TTLL10: variants seen among roughly 807,000 people sequenced by gnomAD.
TTLL10 encodes the protein inactive polyglycylase TTLL10.
In TTLL10, 61 loss-of-function variants were observed where a neutral mutation model predicts 69.0. The ratio of observed to expected loss-of-function variants is 0.88; its 90% CI spans 0.72 to 1.09. The LOEUF (loss-of-function observed/expected upper bound fraction) is 1.09. Ranked by LOEUF, TTLL10 falls within the 50% of genes least tolerant of loss-of-function variation. TTLL10 has a pLI of 0.00. For synonymous variants in TTLL10, 408 were observed against 393.3 expected (o/e 1.04, Z -0.44); for missense variants, 962 against 945.9 (o/e 1.02, Z -0.22).
intron 3 of TTLL10, chr1:1,175,289 C>T (rs1177577227): frequency 4.9e-6 from 1 of 203,438 alleles, no homozygotes; most frequent in Non-Finnish European, 8.8e-6. Flanking sequence ...GCTTCTTCTG[C>T]AGCAGAAGAG....
At chr1:1,195,933 G>A (rs1269360674) in intron 13 of TTLL10, among the ~76,000 whole-genome samples, 12 of 151,512 alleles carry the variant, frequency 7.9e-5, no homozygotes, top group Non-Finnish European at 1.6e-4. Flanking sequence ...TGAGCCACGC[G>A]CCCGACCAAC....
intron 13 of TTLL10, among the ~76,000 whole-genome samples, chr1:1,193,328 AAAT>A (rs1252883694): frequency 6.6e-6 from 1 of 152,140 alleles, no homozygotes; most frequent in Non-Finnish European, 1.5e-5. Flanking sequence ...CCGTCTCAAA[AAAT>A]AATAATAATA....
At position 1,185,584 on chromosome 1, in the gene TTLL10, C is replaced by A; in HGVS notation, c.1401+475C>A. On this transcript the variant is annotated intron_variant, in intron 13 of 15. Coordinates refer to ENST00000379289, the MANE Select transcript of TTLL10 (RefSeq NM_001130045.2). This position sits in a 1 kb window ranked among gnomAD's most constrained non-coding sequence, Gnocchi z 6.1. ...TGCAGGGTTCCTTTCTGTGGGGGTA[C>A]CTGTGGGGTACTTCAAACAGCCCTA... The A allele has an allele frequency of 1.0e-5, 10 of 990,210 alleles. No individual in the cohort carries two copies. The highest frequency in any genetic ancestry group is 1.2e-5 in the Non-Finnish European group (10 of 833,402). 61.3% of individuals were successfully genotyped at this position (990,210 alleles called of 1,614,324 possible). A position where few individuals can be genotyped will look rare whatever the true frequency, so the allele number is the denominator to read the frequency against.
chr1:1,178,562 A>G (rs1443512015), intron 3 of TTLL10, among the ~76,000 whole-genome samples: 2 of 134,850 alleles, frequency 1.5e-5, no homozygotes, highest in Non-Finnish European at 3.3e-5. Flanking sequence ...GCTCCGTCTC[A>G]AAAAAAAAAA....
At chr1:1,177,052 G>A (rs1646891303) in intron 3 of TTLL10, among the ~76,000 whole-genome samples, 1 of 146,716 alleles carries the variant, frequency 6.8e-6, no homozygotes, top group South Asian at 2.1e-4. Context: ...GTCTGTGTGT[G>A]TGGGTGTCTG....
At chr1:1,184,766 C>T (rs1431772332) in intron 12 of TTLL10, among the ~76,000 whole-genome samples, 1 of 93,026 alleles carries the variant, frequency 1.1e-5, no homozygotes, top group African/African-American at 3.6e-5. Flanking sequence ...ATGCAGAAGC[C>T]TTCTAGGTTA....
chr1:1,197,821 G>A lies in TTLL10; in HGVS notation c.1996G>A (p.Glu666Lys), dbSNP rs1329838904. 1.7e-5 allele frequency: 26 copies of A among 1,507,968 alleles called. No homozygotes were observed. Among genetic ancestry groups the A allele is most frequent in the African/African-American group, 7.2e-5 (5 of 69,922 alleles). The allele number at this position is 1,507,968 out of a possible 1,614,324, so 93.4% of individuals were successfully genotyped here. A position where few individuals can be genotyped will look rare whatever the true frequency, so the allele number is the denominator to read the frequency against. Residue 666 changes from glutamate to lysine, a missense_variant, in exon 16 of 16, where the codon GAG becomes AAG. By Grantham distance (56) the Glu-to-Lys change is moderately conservative. Coordinates refer to ENST00000379289, the MANE Select transcript of TTLL10 (RefSeq NM_001130045.2). ...CCCGGGGACAGCCAAGGAGGAACGC[G>A]AGGAGCCTGAGAACGCGAGGCCCTA... The part of the protein sequence containing the change: ...PSPGTAKEER[E>K]EPENARP
At chr1:1,188,604 T>C (rs1219871584) in intron 13 of TTLL10, among the ~76,000 whole-genome samples, 1 of 152,088 alleles carries the variant, frequency 6.6e-6, no homozygotes, top group East Asian at 1.9e-4. Flanking sequence ...CAGGTTTCAC[T>C]GTGTTGGCCA....
chr1:1,190,223 T>C (rs1190263539), intron 13 of TTLL10, among the ~76,000 whole-genome samples: 1 of 151,858 alleles, frequency 6.6e-6, no homozygotes, highest in Non-Finnish European at 1.5e-5. Flanking sequence ...TCTCCCCTGA[T>C]TTTAGTAATT....
chr1:1,185,369 T>G lies in TTLL10; in HGVS notation c.1401+260T>G. On this transcript the variant is annotated intron_variant, in intron 13 of 15. Coordinates refer to ENST00000379289, the MANE Select transcript of TTLL10 (RefSeq NM_001130045.2). The surrounding 1 kb of genome is among the most constrained non-coding windows in gnomAD (Gnocchi z 6.1). ...ACGAGTCCCGCGGGCAGCCTCGCCG[T>G]AGGGTCAGGGGACAGCTCGGCTTCA... The G allele has an allele frequency of 7.4e-7, 1 of 1,347,902 alleles. No individual in the cohort carries two copies. Among genetic ancestry groups the G allele is most frequent in the Non-Finnish European group, 9.5e-7 (1 of 1,052,036 alleles). The allele number at this position is 1,347,902 out of a possible 1,614,324, so 83.5% of individuals were successfully genotyped here. A position where few individuals can be genotyped will look rare whatever the true frequency, so the allele number is the denominator to read the frequency against.
intron 13 of TTLL10, among the ~76,000 whole-genome samples, chr1:1,195,672 C>T (rs12066103): frequency 0.099 from 14,986 of 151,084 alleles, 845 homozygotes; most frequent in East Asian, 0.15. Flanking sequence ...GACAGTCTCA[C>T]TGTGTCACCC....
rs765878001 is a variant in TTLL10, at chr1:1,182,865, G to T, written c.917-11G>T. 1 of 1,557,652 alleles carries T rather than the reference G, an allele frequency of 6.4e-7. No individual in the cohort carries two copies. Among genetic ancestry groups the T allele is most frequent in the Non-Finnish European group, 8.7e-7 (1 of 1,149,078 alleles). ...GGGCGAGGCCAGGGGCTCAGGCCGC[G>T]CTCTCTGCAGAAACCCAGATATGGA... On this transcript the variant is annotated splice_polypyrimidine_tract_variant and intron_variant, in intron 10 of 15. Coordinates refer to ENST00000379289, the MANE Select transcript of TTLL10 (RefSeq NM_001130045.2).
intron 13 of TTLL10, among the ~76,000 whole-genome samples, chr1:1,193,533 G>T (rs888874946): frequency 6.6e-6 from 1 of 150,562 alleles, no homozygotes; most frequent in Non-Finnish European, 1.5e-5. Flanking sequence ...GCGTGATCTC[G>T]GCTCACTGCA....
In TTLL10 at chr1:1,180,477, T is replaced by G; in HGVS notation, c.507-6T>G. 1 of 482,718 alleles carries G rather than the reference T, an allele frequency of 2.1e-6. No homozygotes were observed. The highest frequency in any genetic ancestry group is 2.9e-6 in the Non-Finnish European group (1 of 350,192). The allele number at this position is 482,718 out of a possible 1,614,324, so 29.9% of individuals were successfully genotyped here. A position where few individuals can be genotyped will look rare whatever the true frequency, so the allele number is the denominator to read the frequency against. On this transcript the variant is annotated splice_region_variant and splice_polypyrimidine_tract_variant and intron_variant, in intron 6 of 15. Transcript: ENST00000379289. ...CCCAGGTCACCCCCGCCCCCACCCC[T>G]CGCAGCATCAGCTCCTACTGCAAAA...
At chr1:1,180,643 C>T (rs1264867606) in intron 7 of TTLL10, 42 bp downstream of exon 7, 2 of 1,553,268 alleles carry the variant, frequency 1.3e-6, no homozygotes, top group Non-Finnish European at 1.7e-6. Flanking sequence ...CTGCAGGGGC[C>T]TCCTGGGCCG....
chr1:1,176,439 C>T (rs1403411120), intron 3 of TTLL10: 3 of 454,452 alleles, frequency 6.6e-6, no homozygotes, highest in Non-Finnish European at 1.3e-5. Flanking sequence ...CTCACAGCTG[C>T]TGCATCTTTT....
rs376545249 is a variant in TTLL10 at position 1,180,038 on chromosome 1, G to A, written c.204G>A (p.Pro68=). The change falls in exon 6 of 16, where the codon CCG becomes CCA. Residue 68 remains proline (P), a synonymous_variant. Coordinates refer to ENST00000379289, the MANE Select transcript of TTLL10 (RefSeq NM_001130045.2). ...CPAPGHCPVG[P]AHERPMGSSQ... ...GGGACCCCACCCCGTTCACAGGCCC[G>A]GCCCACGAGAGGCCAATGGGGAGCA... 1.9e-5 allele frequency: 30 copies of A among 1,538,610 alleles called. No homozygotes were observed. The African/African-American group carries it at 2.3e-4, about 12-fold the overall frequency.
In TTLL10 at chr1:1,197,157, T is replaced by C; in HGVS notation, c.1583T>C (p.Val528Ala). Residue 528 changes from valine to alanine, a missense_variant, in exon 15 of 16, where the codon GTC becomes GCC. Physicochemically the swap from Val to Ala is moderately conservative, Grantham distance 64. Coordinates refer to ENST00000379289, the MANE Select transcript of TTLL10 (RefSeq NM_001130045.2). ...ACCAACTGCGAGGTCCTGAAGGAGG[T>C]CATCCCAGGTGTGGTCATCGAGACC... Reference protein sequence around the residue: ...LHTNCEVLKEVIPGVVIETLD... With the variant: ...LHTNCEVLKEAIPGVVIETLD... 6.5e-7 allele frequency: 1 copy of C among 1,550,108 alleles called. No homozygotes were observed. The highest frequency in any genetic ancestry group is 8.7e-7 in the Non-Finnish European group (1 of 1,146,646).
Position 1,190,772 on chromosome 1 carries a change from A to T in TTLL10, c.1401+5663A>T, listed in dbSNP as rs147708755. On this transcript the variant is annotated intron_variant, in intron 13 of 15. Coordinates refer to ENST00000379289, the MANE Select transcript of TTLL10 (RefSeq NM_001130045.2). ...TCTGACCACCACTTTTGCTGCATCC[A>T]TAAGATTTTGCGTGTTGTCTTCATT... 7.8e-4 allele frequency among the ~76,000 whole-genome samples: 119 copies of T among 152,228 alleles called. 2 individuals are homozygous for T. The highest frequency in any genetic ancestry group is 2.8e-3 in the African/African-American group (116 of 41,556).
Sources: gnomAD v4.1 joint callset for allele counts (sites outside exome capture counted in the v4.1 genomes callset) on GRCh38, gnomAD v4.1.1 for gene constraint, Gnocchi (gnomAD v3.1) non-coding constraint, MANE v1.5 for transcripts, NCBI Gene and HGNC (gene_info 2026-07-23, HGNC 2026-07-21) for gene names.